The following NLGN1 variants were observed in gnomAD, a reference collection of about 807,000 sequenced individuals.
NLGN1 encodes neuroligin-1.
In NLGN1, 12 loss-of-function variants were observed where a neutral mutation model predicts 65.5. The observed-to-expected ratio is 0.18, with a 90% CI of 0.12 to 0.30. The LOEUF is 0.30. Ranked by LOEUF, NLGN1 falls within the 10% of genes least tolerant of loss-of-function variation. The pLI, the probability that NLGN1 is intolerant of heterozygous loss-of-function variation, is 1.00. For missense variants in NLGN1, 750 were observed against 1,007.1 expected, an observed-to-expected ratio of 0.74 and a Z score of 3.46; for synonymous variants, 350 against 359.5, an observed-to-expected ratio of 0.97 and a Z score of 0.30.
At chr3:173,541,810 G>A (rs1464619411) in intron 2 of NLGN1, among the ~76,000 whole-genome samples, 6 of 151,818 alleles carry the variant, frequency 4.0e-5, no homozygotes, top group Non-Finnish European at 4.4e-5. Flanking sequence ...TTACTTCATC[G>A]GTGACCTATT....
At chr3:174,269,673 G>C (rs573250147) in intron 4 of NLGN1, among the ~76,000 whole-genome samples, 14 of 151,892 alleles carry the variant, frequency 9.2e-5, no homozygotes, top group Admixed American at 9.2e-4. Context: ...TTCTCATTGG[G>C]ATCCTGCTTT....
chr3:173,985,249 A>C (rs1053913314), intron 4 of NLGN1, among the ~76,000 whole-genome samples: 8 of 152,160 alleles, frequency 5.3e-5, no homozygotes, highest in African/African-American at 1.4e-4. Context: ...GACAATTTGA[A>C]CCTTTTTGCT....
chr3:173,540,080 G>C (rs879348126), intron 2 of NLGN1, among the ~76,000 whole-genome samples: 7 of 151,770 alleles, frequency 4.6e-5, no homozygotes, highest in Non-Finnish European at 7.4e-5. Flanking sequence ...CAGTTTCTAC[G>C]AAGGCCCAGT....
chr3:174,082,915 C>T (rs900932784), intron 4 of NLGN1, among the ~76,000 whole-genome samples: 2 of 152,010 alleles, frequency 1.3e-5, no homozygotes, highest in Admixed American at 6.6e-5. Flanking sequence ...TTAGTAGAGA[C>T]AGGGTTTCAC....
At chr3:173,563,107 T>C (rs1743047096) in intron 2 of NLGN1, among the ~76,000 whole-genome samples, 1 of 152,208 alleles carries the variant, frequency 6.6e-6, no homozygotes, top group South Asian at 2.1e-4. Context: ...ATCAAGGTGG[T>C]TAATAATCAT....
At chr3:173,734,560 C>G (rs966888612) in intron 3 of NLGN1, among the ~76,000 whole-genome samples, 6 of 150,996 alleles carry the variant, frequency 4.0e-5, no homozygotes, top group Non-Finnish European at 7.4e-5. Flanking sequence ...CCACAGCCAC[C>G]TAATTTTTTA....
At chr3:174,205,914 T>C (rs566269770) in intron 4 of NLGN1, among the ~76,000 whole-genome samples, 16 of 152,336 alleles carry the variant, frequency 1.1e-4, no homozygotes, top group Non-Finnish European at 1.6e-4. Flanking sequence ...TGTAAAGTGC[T>C]TCAATTCAGT....
intron 1 of NLGN1, among the ~76,000 whole-genome samples, chr3:173,408,717 C>T (rs1711823371): frequency 6.6e-6 from 1 of 152,100 alleles, no homozygotes; most frequent in South Asian, 2.1e-4. Flanking sequence ...TCGAGACCTT[C>T]CTGGCTAATA....
chr3:173,876,689 A>G (rs566759515), intron 4 of NLGN1, among the ~76,000 whole-genome samples: 1 of 152,164 alleles, frequency 6.6e-6, no homozygotes, highest in Non-Finnish European at 1.5e-5. Flanking sequence ...AGGCTTAGAC[A>G]CTAATGGGAA....
chr3:174,063,811 C>A (rs1450244642), intron 4 of NLGN1, among the ~76,000 whole-genome samples: 3 of 151,948 alleles, frequency 2.0e-5, no homozygotes, highest in Admixed American at 2.0e-4. Context: ...GTCTTTTAAC[C>A]TTAGTATGGT....
intron 4 of NLGN1, among the ~76,000 whole-genome samples, chr3:173,953,743 T>C (rs922541470): frequency 1.3e-5 from 2 of 151,868 alleles, no homozygotes. Context: ...AAGGACTCAA[T>C]ATGTTGTCCA....
chr3:173,585,598 G>A (rs1747282076), intron 2 of NLGN1, among the ~76,000 whole-genome samples: 1 of 152,082 alleles, frequency 6.6e-6, no homozygotes, highest in Admixed American at 6.5e-5. Flanking sequence ...CACACATGTT[G>A]TCTTGTAATT....
intron 4 of NLGN1, among the ~76,000 whole-genome samples, chr3:174,156,858 T>C (rs1477558664): frequency 6.6e-6 from 1 of 151,670 alleles, no homozygotes; most frequent in Non-Finnish European, 1.5e-5. Context: ...ACTATATTTC[T>C]GCACTATAGC....
Position 174,280,690 on chromosome 3 carries a change from C to G in NLGN1, c.1859C>G (p.Ser620Cys). 6.2e-7 allele frequency: 1 copy of G among 1,613,324 alleles called. No homozygotes were observed. The highest frequency in any genetic ancestry group is 8.5e-7 in the Non-Finnish European group (1 of 1,179,544). Residue 620 changes from serine (S) to cysteine (C), a missense_variant, in exon 7 of 7, where the codon TCT (serine) becomes TGT (cysteine). Coordinates refer to ENST00000457714, the Ensembl canonical transcript of NLGN1. The surrounding 1 kb of genome is among the most constrained non-coding windows in gnomAD (Gnocchi z 4.9). ...CATCTGCATAATCTCAATGACATTT[C>G]TCAGTATACCTCTACAACAACTAAA... is the stretch of plus-strand genomic sequence containing the variant.
At chr3:173,802,437 C>T (rs1031352257) in intron 3 of NLGN1, among the ~76,000 whole-genome samples, 1 of 152,158 alleles carries the variant, frequency 6.6e-6, no homozygotes, top group African/African-American at 2.4e-5. Context: ...CCAGTTCGGT[C>T]TCTTCCTCTG....
chr3:173,417,840 T>C (rs1714109316), intron 1 of NLGN1, among the ~76,000 whole-genome samples: 1 of 151,980 alleles, frequency 6.6e-6, no homozygotes, highest in Non-Finnish European at 1.5e-5. Context: ...CTTCTTAAAC[T>C]AAACTTTTAT....
At chr3:174,272,528 A>C (rs981827202) in intron 4 of NLGN1, among the ~76,000 whole-genome samples, 9 of 151,722 alleles carry the variant, frequency 5.9e-5, no homozygotes, top group Non-Finnish European at 1.2e-4. Context: ...GTCTGAAGAC[A>C]TGTTATTTGC....
intron 4 of NLGN1, among the ~76,000 whole-genome samples, chr3:173,888,099 G>A (rs931571761): frequency 6.6e-6 from 1 of 151,870 alleles, no homozygotes; most frequent in Non-Finnish European, 1.5e-5. Flanking sequence ...TAAAATCTTT[G>A]TGAATCACAA....
chr3:173,433,933 G>A (rs1329731127), intron 1 of NLGN1, among the ~76,000 whole-genome samples: 1 of 152,122 alleles, frequency 6.6e-6, no homozygotes, highest in Non-Finnish European at 1.5e-5. Flanking sequence ...ATTTGTTTAT[G>A]ATTTACTATA....
Sources: allele counts gnomAD v4.1 joint callset (sites outside exome capture counted in the v4.1 genomes callset), GRCh38; gene constraint gnomAD v4.1.1; non-coding constraint Gnocchi (gnomAD v3.1); transcripts MANE v1.5; gene names NCBI Gene and HGNC (gene_info 2026-07-23, HGNC 2026-07-21).